Variants in MAP3K9 observed in about 807,000 individuals in gnomAD.
The protein encoded by MAP3K9 is mitogen-activated protein kinase kinase kinase 9, also known as mixed lineage kinase 1 (tyr and ser/thr specificity).
MAP3K9 carries 46 observed loss-of-function variants against 95.8 expected under a neutral mutation model. The ratio of observed to expected loss-of-function variants is 0.48; its 90% CI spans 0.38 to 0.61. The LOEUF is 0.61. MAP3K9 is among the 20% of genes least tolerant of loss of function. MAP3K9 has a pLI of 0.00. For missense variants in MAP3K9, 1,296 were observed against 1,474.3 expected (o/e 0.88, Z 1.98); for synonymous variants, 533 against 593.8 (o/e 0.90, Z 1.49).
intron 2 of MAP3K9, among the ~76,000 whole-genome samples, chr14:70,787,901 T>C (rs2054765036): frequency 6.6e-6 from 1 of 151,922 alleles, no homozygotes; most frequent in South Asian, 2.1e-4. Context: ...AGTCCTATAC[T>C]AGGGATGATG....
chr14:70,799,772 A>G (rs949169819), intron 2 of MAP3K9, among the ~76,000 whole-genome samples: 1 of 152,212 alleles, frequency 6.6e-6, no homozygotes, highest in African/African-American at 2.4e-5. Flanking sequence ...AAAGAGAGTG[A>G]AGTCCCTGGG....
chr14:70,779,608 C>T (rs1175136065), intron 2 of MAP3K9, among the ~76,000 whole-genome samples: 4 of 152,204 alleles, frequency 2.6e-5, no homozygotes, highest in Non-Finnish European at 5.9e-5. Context: ...ACTCCTCCTA[C>T]CTCTAGGCTA....
chr14:70,787,046 T>A (rs746616479), intron 2 of MAP3K9, among the ~76,000 whole-genome samples: 2 of 152,066 alleles, frequency 1.3e-5, no homozygotes, highest in African/African-American at 2.4e-5. Context: ...GGTATATAGA[T>A]AAGAATAGGA....
chr14:70,739,152 C>T (rs1009444885), intron 7 of MAP3K9, among the ~76,000 whole-genome samples: 1 of 152,064 alleles, frequency 6.6e-6, no homozygotes, highest in African/African-American at 2.4e-5. Context: ...TTTTTTGAGA[C>T]GGAGTCTCAC....
intron 5 of MAP3K9, 118 bp from the exon 6 acceptor site, chr14:70,742,709 T>C (rs1358397032): frequency 5.3e-5 from 63 of 1,194,848 alleles, no homozygotes; most frequent in Admixed American, 3.8e-4. Flanking sequence ...TCTCCTATGA[T>C]GCTCAGTGAA....
At chr14:70,767,053 C>T (rs2054464930) in intron 2 of MAP3K9, among the ~76,000 whole-genome samples, 1 of 152,036 alleles carries the variant, frequency 6.6e-6, no homozygotes, top group African/African-American at 2.4e-5. Flanking sequence ...ATGCCATGTC[C>T]CCTTTAGGAA....
At chr14:70,799,760 G>A (rs1282421006) in intron 2 of MAP3K9, among the ~76,000 whole-genome samples, 1 of 152,230 alleles carries the variant, frequency 6.6e-6, no homozygotes, top group Non-Finnish European at 1.5e-5. Context: ...GCTGAAGGAT[G>A]CAAAGAGAGT....
Position 70,732,968 on chromosome 14 carries a change from A to C in MAP3K9, c.2401T>G (p.Ser801Ala). 6.2e-7 allele frequency: 1 copy of C among 1,613,912 alleles called. No individual in the cohort carries two copies. The highest frequency in any genetic ancestry group is 8.5e-7 in the Non-Finnish European group (1 of 1,179,946). ...KKRREGLFQR[S>A]SRPRRSTSPP... Reference sequence around the variant, plus strand: ...CTGGTGCTCCGACGAGGACGGCTGGACCTCTGAAAAAGACCCTCCCGTCTT... The same window carrying C: ...CTGGTGCTCCGACGAGGACGGCTGGCCCTCTGAAAAAGACCCTCCCGTCTT... Residue 801 changes from serine (S) to alanine (A), a missense_variant, in exon 11 of 12, where the codon TCC becomes GCC. Transcript: ENST00000554752.
Position 70,742,518 on chromosome 14 carries a change from C to G in MAP3K9, c.1400G>C (p.Arg467Pro). 1 of 1,614,208 alleles carries G rather than the reference C, an allele frequency of 6.2e-7. No homozygotes were observed. Among genetic ancestry groups the G allele is most frequent in the Non-Finnish European group, 8.5e-7 (1 of 1,180,038 alleles). The change falls in exon 6 of 12, where the codon CGT (arginine) becomes CCT (proline). Residue 467 changes from arginine (R) to proline (P), a missense_variant. Physicochemically the swap from Arg to Pro is moderately radical, Grantham distance 103. Transcript: ENST00000554752. ...QQKNQEELLR[R>P]REQELAEREI... The stretch of plus-strand genomic sequence containing the variant: ...CCGCTCGGCCAGCTCCTGCTCCCGA[C>G]GCCGCAGCAGTTCCTCCTGGTTCTT...
At position 70,733,202 on chromosome 14, in the gene MAP3K9, G is replaced by C. The variant is rs1318180197; in HGVS notation, c.2167C>G (p.Pro723Ala). 2 of 1,611,202 alleles carry C rather than the reference G, an allele frequency of 1.2e-6. No individual in the cohort carries two copies. Among genetic ancestry groups the C allele is most frequent in the East Asian group, 2.2e-5 (1 of 44,740 alleles). The change falls in exon 11 of 12, where the codon CCA becomes GCA. Residue 723 changes from proline (P) to alanine (A), a missense_variant. Physicochemically the swap from Pro to Ala is conservative, Grantham distance 27. Transcript: ENST00000554752. ...GGGGTACTCGTGGCCGAGTTGACTG[G>C]GGTGGGCTCCTCATGGATTCCATCA... ...SSDGIHEEPTPVNSATSTPQL... is the reference protein window; with the variant it reads ...SSDGIHEEPTAVNSATSTPQL...
rs202240308 is a variant in MAP3K9, at chr14:70,730,727, C to T, written c.2968G>A (p.Glu990Lys). Residue 990 changes from glutamate to lysine, a missense_variant, in exon 12 of 12, where the codon GAG becomes AAG. Glu to Lys is a moderately conservative substitution (Grantham distance 56). Around this residue, in one of 5 missense-constraint regions of MAP3K9, gnomAD observed 433 missense variants for 441.4 expected, o/e 0.98. Coordinates refer to ENST00000554752, the MANE Select transcript of MAP3K9 (RefSeq NM_001284230.2). ...DSTLERPKTL[E>K]FLPRPRPSAN... Reference sequence around the variant, plus strand: ...GAAGGACGCGGCCGAGGCAGAAACTCCAGAGTCTTGGGTCTCTCCAAGGTA... The same window carrying T: ...GAAGGACGCGGCCGAGGCAGAAACTTCAGAGTCTTGGGTCTCTCCAAGGTA... 9 of 1,613,834 alleles carry T rather than the reference C, an allele frequency of 5.6e-6. No homozygotes were observed. In the East Asian group the frequency reaches 1.8e-4, roughly 32 times the overall value.
In MAP3K9 at chr14:70,727,409, C is replaced by T. The variant is rs1302939524; in HGVS notation, c.*2971G>A. 6.6e-6 allele frequency: 1 copy of T among 152,256 alleles called. No individual in the cohort carries two copies. The highest frequency in any genetic ancestry group is 2.4e-5 in the African/African-American group (1 of 41,430). 9.4% of individuals were successfully genotyped at this position (152,256 alleles called of 1,614,324 possible). A position where few individuals can be genotyped will look rare whatever the true frequency, so the allele number is the denominator to read the frequency against. On this transcript the variant is annotated 3_prime_UTR_variant, in exon 12 of 12. Transcript: ENST00000554752. ...CAGGGGCAGAGAGCAGTATCTGTTC[C>T]TATTACCATCTTCCATGAAGTTAGC... is the stretch of plus-strand genomic sequence containing the variant.
chr14:70,784,792 A>G (rs2054727199), intron 2 of MAP3K9, among the ~76,000 whole-genome samples: 1 of 152,178 alleles, frequency 6.6e-6, no homozygotes, highest in Admixed American at 6.5e-5. Flanking sequence ...GCCCTGGGGA[A>G]AAGAGAAATG....
Position 70,760,688 on chromosome 14 carries a change from C to T in MAP3K9, c.1001+314G>A, listed in dbSNP as rs182277792. 8.4e-4 allele frequency among the ~76,000 whole-genome samples: 128 copies of T among 152,206 alleles called. 1 individual carries two copies. The South Asian group carries it at 0.015, about 18-fold the overall frequency. ...CCTCACGAAGCTCTCCGAGAAGGAC[C>T]GAGTGTCCTTCCCATCTTACAGCGT... On this transcript the variant is annotated intron_variant, in intron 3 of 11. Coordinates refer to ENST00000554752, the MANE Select transcript of MAP3K9 (RefSeq NM_001284230.2).
chr14:70,730,697 T>A lies in MAP3K9; in HGVS notation c.2998A>T (p.Asn1000Tyr). 6.2e-7 allele frequency: 1 copy of A among 1,613,848 alleles called. No individual in the cohort carries two copies. The highest frequency in any genetic ancestry group is 8.5e-7 in the Non-Finnish European group (1 of 1,180,032). Residue 1000 changes from asparagine to tyrosine, a missense_variant, in exon 12 of 12, where the codon AAC (asparagine) becomes TAC (tyrosine). Physicochemically the swap from Asn to Tyr is moderately radical, Grantham distance 143 (BLOSUM62 -2). Transcript: ENST00000554752. Reference protein sequence around the residue: ...EFLPRPRPSANRQRLDPWWFV... With the variant: ...EFLPRPRPSAYRQRLDPWWFV... Reference sequence around the variant, plus strand: ...CACCAAGGGTCCAGCCGTTGCCGGTTGGCAGAAGGACGCGGCCGAGGCAGA... The same window carrying A: ...CACCAAGGGTCCAGCCGTTGCCGGTAGGCAGAAGGACGCGGCCGAGGCAGA...
In MAP3K9 at chr14:70,726,477, C is replaced by G. The variant is rs1268458777; in HGVS notation, c.*3903G>C. On this transcript the variant is annotated 3_prime_UTR_variant, in exon 12 of 12. Transcript: ENST00000554752. ...CTGTCACTCTGATGTTGCTACCAACCTCCCTCTCTCATTTCCTTCTCTGTA... is the reference window on the plus strand; with the variant it reads ...CTGTCACTCTGATGTTGCTACCAACGTCCCTCTCTCATTTCCTTCTCTGTA... 1 of 152,244 alleles carries G rather than the reference C, an allele frequency of 6.6e-6. No homozygotes were observed. Among genetic ancestry groups the G allele is most frequent in the Non-Finnish European group, 1.5e-5 (1 of 68,048 alleles). 9.4% of individuals were successfully genotyped at this position (152,244 alleles called of 1,614,324 possible). A position where few individuals can be genotyped will look rare whatever the true frequency, so the allele number is the denominator to read the frequency against.
At chr14:70,753,147 G>T (rs565022417) in intron 3 of MAP3K9, among the ~76,000 whole-genome samples, 3 of 152,170 alleles carry the variant, frequency 2.0e-5, no homozygotes, top group Non-Finnish European at 4.4e-5. Flanking sequence ...CATCCCTACA[G>T]CAAAGACAGC....
chr14:70,738,281 G>A lies in MAP3K9; in HGVS notation c.1808C>T (p.Thr603Met), dbSNP rs745589833. ...KKKGRTWGPG[T>M]LGQKELASGD... The stretch of plus-strand genomic sequence containing the variant: ...CGAGGCAAGCTCCTTCTGACCAAGC[G>A]TCCCTGGCCCCCACGTCCGTCCCTT... Residue 603 changes from threonine (T) to methionine (M), a missense_variant, in exon 8 of 12, where the codon ACG becomes ATG. This residue lies in a region of MAP3K9 where 377 missense variants were observed against 417.1 expected (regional missense o/e 0.90). Transcript: ENST00000554752. 24 of 1,612,532 alleles carry A rather than the reference G, an allele frequency of 1.5e-5. No individual in the cohort carries two copies. Among genetic ancestry groups the A allele is most frequent in the Middle Eastern group, 3.3e-4 (2 of 6,080 alleles).
At chr14:70,768,876 G>A (rs1348983116) in intron 2 of MAP3K9, among the ~76,000 whole-genome samples, 1 of 152,152 alleles carries the variant, frequency 6.6e-6, no homozygotes, top group Non-Finnish European at 1.5e-5. Context: ...TTGGTGCCAA[G>A]GCTCATGTCC....
Sources: allele counts gnomAD v4.1 joint callset (sites outside exome capture counted in the v4.1 genomes callset), GRCh38; gene constraint gnomAD v4.1.1; regional missense constraint gnomAD v4.1.1; transcripts MANE v1.5; gene names NCBI Gene and HGNC (gene_info 2026-07-23, HGNC 2026-07-21).